CACHD1: variants seen among roughly 807,000 people sequenced by gnomAD.
The protein encoded by CACHD1 is cache domain containing 1, also known as VWFA and cache domain-containing protein 1.
CACHD1 carries 71 observed loss-of-function variants against 138.7 expected under a neutral mutation model. The observed-to-expected ratio is 0.51, with a 90% CI of 0.42 to 0.62. The LOEUF (loss-of-function observed/expected upper bound fraction) is 0.62, where lower values mean the gene tolerates loss of function less well. CACHD1 is among the 20% of genes least tolerant of loss of function. CACHD1 has a pLI of 0.00. For missense variants in CACHD1, 1,389 were observed against 1,625.3 expected (o/e 0.85, Z 2.50); for synonymous variants, 578 against 591.5 (o/e 0.98, Z 0.33).
intron 1 of CACHD1, among the ~76,000 whole-genome samples, chr1:64,507,666 G>C (rs1468025308): frequency 6.6e-6 from 1 of 152,198 alleles, no homozygotes; most frequent in African/African-American, 2.4e-5. Context: ...CACGAGCCAG[G>C]AAGAAGTAAG....
chr1:64,656,501 G>A (rs553860426), intron 12 of CACHD1, among the ~76,000 whole-genome samples: 37 of 152,152 alleles, frequency 2.4e-4, no homozygotes, highest in Non-Finnish European at 4.4e-4. Context: ...CTGATTGAAA[G>A]CAACTCAGTT....
At chr1:64,677,468 G>A (rs931879461) in intron 22 of CACHD1, among the ~76,000 whole-genome samples, 44 of 152,160 alleles carry the variant, frequency 2.9e-4, no homozygotes, top group African/African-American at 1.0e-3. Context: ...TAGACATTAT[G>A]GAAATAGTGG....
chr1:64,582,438 C>G lies in CACHD1; in HGVS notation c.410+134C>G, dbSNP rs1008610833. 4 of 758,338 alleles carry G rather than the reference C, an allele frequency of 5.3e-6. No homozygotes were observed. In the African/African-American group the frequency reaches 5.3e-5, roughly 10 times the overall value. 47.0% of individuals were successfully genotyped at this position (758,338 alleles called of 1,614,324 possible). Reference sequence around the variant, plus strand: ...TGTTTCCCACTATTTAAGATAAGCCCTTTATCTTTAGATAAGTGATTTTTA... The same window carrying G: ...TGTTTCCCACTATTTAAGATAAGCCGTTTATCTTTAGATAAGTGATTTTTA... On this transcript the variant is annotated intron_variant, in intron 3 of 26. Transcript: ENST00000651257.
chr1:64,621,497 T>C (rs1352883231), intron 4 of CACHD1, among the ~76,000 whole-genome samples: 1 of 152,158 alleles, frequency 6.6e-6, no homozygotes, highest in Non-Finnish European at 1.5e-5. Context: ...ATGTAAGAGA[T>C]ACTAAACACA....
chr1:64,548,188 C>G (rs1044062108), intron 1 of CACHD1, among the ~76,000 whole-genome samples: 1 of 152,164 alleles, frequency 6.6e-6, no homozygotes, highest in Non-Finnish European at 1.5e-5. Context: ...AAGGAAGTAT[C>G]TGATTTGGCC....
chr1:64,663,622 CGA>C, intron 13 of CACHD1, 71 bp from the exon 14 acceptor site: 1 of 1,579,222 alleles, frequency 6.3e-7, no homozygotes, highest in Non-Finnish European at 8.7e-7. Flanking sequence ...TGGCAGAGCC[CGA>C]GTGATGCCTT....
intron 26 of CACHD1, among the ~76,000 whole-genome samples, chr1:64,689,296 C>T (rs890410330): frequency 7.9e-5 from 12 of 152,204 alleles, no homozygotes; most frequent in Admixed American, 5.2e-4. Flanking sequence ...CAAAATGTGT[C>T]TTCTTTCCTG....
intron 1 of CACHD1, among the ~76,000 whole-genome samples, chr1:64,542,929 T>C (rs562967250): frequency 1.1e-4 from 16 of 151,912 alleles, no homozygotes; most frequent in Non-Finnish European, 2.2e-4. Flanking sequence ...CCTGAGTGCA[T>C]TCCAGGCCCT....
chr1:64,599,531 C>T (rs933008667), intron 3 of CACHD1, among the ~76,000 whole-genome samples: 6 of 151,916 alleles, frequency 3.9e-5, no homozygotes, highest in African/African-American at 1.2e-4. Flanking sequence ...GGGCCAGTTT[C>T]GTTAGAAGTG....
At chr1:64,681,672 T>A (rs561458288) in intron 25 of CACHD1, among the ~76,000 whole-genome samples, 51 of 151,968 alleles carry the variant, frequency 3.4e-4, no homozygotes, top group Non-Finnish European at 4.9e-4. Context: ...ATGCATTTTT[T>A]AAAAAATCCC....
At chr1:64,669,291 C>T (rs1557549005) in intron 16 of CACHD1, among the ~76,000 whole-genome samples, 1 of 152,160 alleles carries the variant, frequency 6.6e-6, no homozygotes, top group South Asian at 2.1e-4. Flanking sequence ...CTTAAGAGGT[C>T]GAGTCCCAAA....
chr1:64,486,440 T>C (rs919500890), intron 1 of CACHD1, among the ~76,000 whole-genome samples: 4 of 151,884 alleles, frequency 2.6e-5, no homozygotes, highest in African/African-American at 9.7e-5. Flanking sequence ...TCAGATGTGT[T>C]TTTTATCTTC....
At chr1:64,677,105 C>A in intron 22 of CACHD1, 94 bp downstream of exon 22, 1 of 975,662 alleles carries the variant, frequency 1.0e-6, no homozygotes. Flanking sequence ...TTTTTCAGAT[C>A]TGAAACTGAT....
chr1:64,654,112 A>G (rs577072977), intron 11 of CACHD1, among the ~76,000 whole-genome samples: 1 of 152,334 alleles, frequency 6.6e-6, no homozygotes, highest in East Asian at 1.9e-4. Flanking sequence ...TTGTAAATCA[A>G]ATTTTATGTT....
At chr1:64,671,757 A>G in intron 17 of CACHD1, 71 bp downstream of exon 17, 1 of 1,570,180 alleles carries the variant, frequency 6.4e-7, no homozygotes, top group South Asian at 1.1e-5. Flanking sequence ...TCTCTAGTTG[A>G]ATGGGAACCG....
Position 64,613,632 on chromosome 1 carries a change from T to A in CACHD1, c.517+10720T>A, listed in dbSNP as rs899819224. 5 of 152,328 alleles carry A rather than the reference T, an allele frequency of 3.3e-5. No individual in the cohort carries two copies. The East Asian group carries it at 9.7e-4, about 29-fold the overall frequency. 9.4% of individuals were successfully genotyped at this position (152,328 alleles called of 1,614,324 possible). A position where few individuals can be genotyped will look rare whatever the true frequency, so the allele number is the denominator to read the frequency against. On this transcript the variant is annotated intron_variant, in intron 4 of 26. Transcript: ENST00000651257. ...AGTAGTTGACATGTAAACCTCTTTT[T>A]TGAAACTCTCTTATCATTTGGTTTC... is the stretch of plus-strand genomic sequence containing the variant.
chr1:64,635,380 ATTTTTT>A (rs71056060), intron 7 of CACHD1, among the ~76,000 whole-genome samples: 1 of 91,844 alleles, frequency 1.1e-5, no homozygotes. Context: ...CTCTAATTTA[ATTTTTT>A]TTTTTTTTTT....
At chr1:64,558,279 G>T (rs547806003) in intron 2 of CACHD1, among the ~76,000 whole-genome samples, 2 of 152,122 alleles carry the variant, frequency 1.3e-5, no homozygotes, top group Non-Finnish European at 2.9e-5. Context: ...GGAATAGCAC[G>T]CTTGCCTCCT....
At chr1:64,503,439 T>TACTA (rs1646351049) in intron 1 of CACHD1, among the ~76,000 whole-genome samples, 1 of 152,200 alleles carries the variant, frequency 6.6e-6, no homozygotes, top group Non-Finnish European at 1.5e-5. Context: ...AGAGCCAAGA[T>TACTA]ACTAAGTCAT....
Sources: allele counts gnomAD v4.1 joint callset (sites outside exome capture counted in the v4.1 genomes callset), GRCh38; gene constraint gnomAD v4.1.1; transcripts MANE v1.5; gene names NCBI Gene and HGNC (gene_info 2026-07-23, HGNC 2026-07-21).